Variants in ESRRG observed in about 807,000 individuals in gnomAD.
ESRRG encodes estrogen-related receptor gamma.
Under a neutral mutation model 44.0 loss-of-function variants are expected in ESRRG, and 13 were observed. The observed-to-expected ratio is 0.30, with a 90% CI of 0.19 to 0.47. The LOEUF is 0.47. Among genes scored for constraint, ESRRG ranks in the 20% least tolerant of loss-of-function variants. ESRRG has a pLI of 1.00. For missense variants in ESRRG, 395 were observed against 580.6 expected (o/e 0.68, Z 3.29); for synonymous variants, 215 against 214.6 (o/e 1.00, Z -0.02).
chr1:217,075,660 T>C (rs970128894), intron 1 of ESRRG, among the ~76,000 whole-genome samples: 1 of 148,588 alleles, frequency 6.7e-6, no homozygotes, highest in African/African-American at 2.5e-5. Context: ...GGTATTAGAA[T>C]AGAAAACACA....
chr1:216,861,855 CAAA>C (rs759852485), intron 2 of ESRRG, among the ~76,000 whole-genome samples: 16 of 151,766 alleles, frequency 1.1e-4, no homozygotes, highest in Non-Finnish European at 1.9e-4. Context: ...AACAAGAAAA[CAAA>C]AAACCTAATA....
intron 6 of ESRRG, among the ~76,000 whole-genome samples, chr1:216,508,208 T>C (rs1053017399): frequency 2.0e-5 from 3 of 152,194 alleles, no homozygotes; most frequent in African/African-American, 7.2e-5. Flanking sequence ...GAATGTAATT[T>C]AAAATCAAGT....
chr1:217,093,370 G>GA (rs2092377595), upstream of ESRRG, among the ~76,000 whole-genome samples: 1 of 151,880 alleles, frequency 6.6e-6, no homozygotes, highest in African/African-American at 2.4e-5. Context: ...AGTGAGACTT[G>GA]TTTTTTTGAA....
At chr1:216,545,411 T>C (rs1011446359) in intron 5 of ESRRG, among the ~76,000 whole-genome samples, 1 of 151,930 alleles carries the variant, frequency 6.6e-6, no homozygotes, top group South Asian at 2.1e-4. Flanking sequence ...GTCAAGCTTG[T>C]AACATACCCA....
chr1:216,555,721 G>A (rs2057411967), intron 5 of ESRRG, among the ~76,000 whole-genome samples: 1 of 152,114 alleles, frequency 6.6e-6, no homozygotes. Flanking sequence ...TTCCCTGAAT[G>A]TCAAAGTCAA....
intron 6 of ESRRG, among the ~76,000 whole-genome samples, chr1:216,517,450 A>G (rs1160484808): frequency 1.3e-5 from 2 of 152,198 alleles, no homozygotes; most frequent in Non-Finnish European, 2.9e-5. Flanking sequence ...CATTTTTAGC[A>G]ATTTTGTTGA....
chr1:217,111,641 T>C (rs900901773), intron 1 of ESRRG, among the ~76,000 whole-genome samples: 3 of 152,090 alleles, frequency 2.0e-5, no homozygotes, highest in African/African-American at 7.2e-5. Context: ...ATTTCTTATG[T>C]CTCCCCCACC....
At chr1:217,072,357 A>T (rs896404246) in intron 1 of ESRRG, among the ~76,000 whole-genome samples, 1 of 152,242 alleles carries the variant, frequency 6.6e-6, no homozygotes, top group Non-Finnish European at 1.5e-5. Context: ...ACACTATTCC[A>T]GAGGCATACT....
intron 1 of ESRRG, among the ~76,000 whole-genome samples, chr1:216,946,663 G>A (rs1215788545): frequency 6.6e-6 from 1 of 151,986 alleles, no homozygotes; most frequent in Non-Finnish European, 1.5e-5. Context: ...TTTTAACGTT[G>A]TGTTCTCAAA....
At chr1:216,661,119 A>T (rs2151223663) in intron 2 of ESRRG, among the ~76,000 whole-genome samples, 1 of 152,334 alleles carries the variant, frequency 6.6e-6, no homozygotes, top group East Asian at 1.9e-4. Flanking sequence ...TTTAGTTCTG[A>T]TATAATGATG....
chr1:216,691,172 G>C (rs1252255344), intron 1 of ESRRG, among the ~76,000 whole-genome samples: 3 of 152,092 alleles, frequency 2.0e-5, no homozygotes, highest in Non-Finnish European at 4.4e-5. Flanking sequence ...TGGCAATAAG[G>C]AAGTAGATGC....
intron 1 of ESRRG, among the ~76,000 whole-genome samples, chr1:217,131,517 T>C (rs1320214596): frequency 6.6e-6 from 1 of 152,212 alleles, no homozygotes; most frequent in Non-Finnish European, 1.5e-5. Flanking sequence ...TGTGCTGTTA[T>C]TGTAAGGAAA....
At chr1:217,059,262 A>C (rs2087833490) in intron 1 of ESRRG, among the ~76,000 whole-genome samples, 1 of 151,238 alleles carries the variant, frequency 6.6e-6, no homozygotes, top group African/African-American at 2.4e-5. Flanking sequence ...CATGGTTATT[A>C]TATAATAAAG....
At chr1:216,790,843 G>A (rs1186616242) in intron 2 of ESRRG, among the ~76,000 whole-genome samples, 1 of 152,092 alleles carries the variant, frequency 6.6e-6, no homozygotes, top group Non-Finnish European at 1.5e-5. Context: ...TTGTATAGAG[G>A]TGCATTGCTT....
chr1:217,033,362 G>A (rs2082355857), intron 1 of ESRRG, among the ~76,000 whole-genome samples: 1 of 152,168 alleles, frequency 6.6e-6, no homozygotes, highest in Non-Finnish European at 1.5e-5. Flanking sequence ...AGTTCATACA[G>A]TAGAGATGGC....
intron 1 of ESRRG, among the ~76,000 whole-genome samples, chr1:216,966,518 A>G (rs1560291972): frequency 6.6e-6 from 1 of 152,160 alleles, no homozygotes. Flanking sequence ...TAGCCACACT[A>G]CTAGGAAAAC....
intron 2 of ESRRG, among the ~76,000 whole-genome samples, chr1:216,772,031 G>A (rs1576372712): frequency 6.6e-6 from 1 of 151,828 alleles, no homozygotes; most frequent in Non-Finnish European, 1.5e-5. Flanking sequence ...ATAAACTGAT[G>A]GGAGTTCTAT....
At chr1:216,918,500 T>C (rs931683323) in intron 2 of ESRRG, among the ~76,000 whole-genome samples, 1 of 152,192 alleles carries the variant, frequency 6.6e-6, no homozygotes, top group African/African-American at 2.4e-5. Flanking sequence ...TGCAAGCTTC[T>C]CTACATAGAT....
intron 2 of ESRRG, among the ~76,000 whole-genome samples, chr1:216,668,287 T>C (rs1406823212): frequency 7.0e-6 from 1 of 141,994 alleles, no homozygotes; most frequent in African/African-American, 2.5e-5. Flanking sequence ...GGGCATTAAG[T>C]TTTGTTGCAA....
Sources: gnomAD v4.1 joint callset for allele counts (sites outside exome capture counted in the v4.1 genomes callset) on GRCh38, gnomAD v4.1.1 for gene constraint, MANE v1.5 for transcripts, NCBI Gene and HGNC (gene_info 2026-07-23, HGNC 2026-07-21) for gene names.